Variants in TIMMDC1 observed in about 807,000 individuals in gnomAD.
The protein encoded by TIMMDC1 is translocase of inner mitochondrial membrane domain containing 1.
A neutral mutation model predicts 32.6 loss-of-function variants in TIMMDC1; 25 were observed. That is an observed-to-expected ratio of 0.77 (90% confidence interval 0.56 to 1.07). The LOEUF is 1.07. TIMMDC1 is among the 50% of genes least tolerant of loss of function. TIMMDC1 has a pLI of 0.00. For synonymous variants in TIMMDC1, 130 were observed against 127.6 expected, an observed-to-expected ratio of 1.02 and a Z score of -0.13; for missense variants, 329 against 349.2, an observed-to-expected ratio of 0.94 and a Z score of 0.46.
At chr3:119,518,813 A>G (rs2082003793) in intron 6 of TIMMDC1, among the ~76,000 whole-genome samples, 1 of 152,146 alleles carries the variant, frequency 6.6e-6, no homozygotes, top group African/African-American at 2.4e-5. Flanking sequence ...TTAACAGCAG[A>G]TTTGCCAGCA....
At position 119,517,281 on chromosome 3, in the gene TIMMDC1, C is replaced by T. The variant is rs149481081; in HGVS notation, c.673C>T (p.Arg225Ter). The T allele has an allele frequency of 1.1e-5, 18 of 1,613,464 alleles. No homozygotes were observed. The highest frequency in any genetic ancestry group is 1.5e-5 in the Non-Finnish European group (18 of 1,179,534). Residue 225 changes from arginine (R) to a stop codon, truncating the protein, a stop_gained, in exon 6 of 7, where the codon CGA (arginine) becomes TGA (stop). Transcript: ENST00000494664. LOFTEE classifies it high-confidence loss of function. Reference sequence around the variant, plus strand: ...TGTTCAGGAAAGAAAACAGAAGGATCGAAAGGCACTCCATGAGCTAAAACT... The same window carrying T: ...TGTTCAGGAAAGAAAACAGAAGGATTGAAAGGCACTCCATGAGCTAAAACT... ...ETVQERKQKD[R>*]KALHELKLEE...
rs749791312 is a variant in TIMMDC1 at position 119,498,838 on chromosome 3, TGAG to T, written c.109_111del (p.Glu37del). 16 of 1,613,982 alleles carry T rather than the reference TGAG, an allele frequency of 9.9e-6. No individual in the cohort carries two copies. In the Admixed American group the frequency reaches 2.7e-4, roughly 27 times the overall value. ...CTGTGACTGCCGATTCGGAAGTCCT[TGAG>T]GAGCGTCAGAAGCGGCTTCCCTACG... On this transcript the variant is annotated inframe_deletion, in exon 1 of 7. Coordinates refer to ENST00000494664, the MANE Select transcript of TIMMDC1 (RefSeq NM_016589.4).
rs1017223858 is a variant in TIMMDC1 at position 119,498,643 on chromosome 3, C to T, written c.-91C>T. On this transcript the variant is annotated 5_prime_UTR_variant, in exon 1 of 7. Coordinates refer to ENST00000494664, the MANE Select transcript of TIMMDC1 (RefSeq NM_016589.4). Reference sequence around the variant, plus strand: ...TTAACCTGGGTCAAATGCACGGATTCTCACCTCGTACAGTTACGCTCTCCC... The same window carrying T: ...TTAACCTGGGTCAAATGCACGGATTTTCACCTCGTACAGTTACGCTCTCCC... The T allele has an allele frequency of 3.1e-6, 4 of 1,305,696 alleles. No individual in the cohort carries two copies. The highest frequency in any genetic ancestry group is 3.2e-6 in the Non-Finnish European group (3 of 926,932). 80.9% of individuals were successfully genotyped at this position (1,305,696 alleles called of 1,614,324 possible). A position where few individuals can be genotyped will look rare whatever the true frequency, so the allele number is the denominator to read the frequency against.
At chr3:119,519,763 A>G (rs969068409) in intron 6 of TIMMDC1, among the ~76,000 whole-genome samples, 4 of 152,208 alleles carry the variant, frequency 2.6e-5, no homozygotes, top group Non-Finnish European at 5.9e-5. Context: ...GATCAAATGG[A>G]TCTAGCAGAC....
In TIMMDC1 at chr3:119,525,044, C is replaced by A. The variant is rs2082056764; in HGVS notation, c.*1288C>A. ...TGAACCAGTTAAGTCTTTGGACTAT[C>A]CCTTTCCTCCTTGACTACTGCTTTG... On this transcript the variant is annotated 3_prime_UTR_variant, in exon 7 of 7. Transcript: ENST00000494664. The A allele has an allele frequency of 6.6e-6, 1 of 152,186 alleles. No individual in the cohort carries two copies. Among genetic ancestry groups the A allele is most frequent in the Non-Finnish European group, 1.5e-5 (1 of 68,034 alleles). The allele number at this position is 152,186 out of a possible 1,614,324, so 9.4% of individuals were successfully genotyped here.
chr3:119,520,290 A>G (rs926439345), intron 6 of TIMMDC1, among the ~76,000 whole-genome samples: 5 of 152,138 alleles, frequency 3.3e-5, no homozygotes, highest in African/African-American at 1.2e-4. Context: ...ACTTAAAAAC[A>G]AACAAAAAAA....
At chr3:119,521,421 C>T (rs933702083) in intron 6 of TIMMDC1, among the ~76,000 whole-genome samples, 6 of 152,132 alleles carry the variant, frequency 3.9e-5, no homozygotes, top group Non-Finnish European at 4.4e-5. Flanking sequence ...ATGGTGCACA[C>T]CTGTAATCCC....
At chr3:119,512,859 G>A (rs930991947) in intron 4 of TIMMDC1, among the ~76,000 whole-genome samples, 1 of 152,046 alleles carries the variant, frequency 6.6e-6, no homozygotes, top group Non-Finnish European at 1.5e-5. Flanking sequence ...TTGTGCCTCC[G>A]CCTCCTGAGT....
At chr3:119,514,414 A>G (rs1218185620) in intron 5 of TIMMDC1, among the ~76,000 whole-genome samples, 1 of 152,206 alleles carries the variant, frequency 6.6e-6, no homozygotes, top group East Asian at 1.9e-4. Flanking sequence ...ATCTCCCAGG[A>G]TGAAGAATAC....
intron 4 of TIMMDC1, among the ~76,000 whole-genome samples, chr3:119,512,514 G>A (rs537657822): frequency 5.9e-5 from 9 of 152,078 alleles, no homozygotes; most frequent in African/African-American, 1.9e-4. Flanking sequence ...CCTGACTTTC[G>A]TGATCCACCC....
chr3:119,499,232 T>C (rs1466348079), intron 1 of TIMMDC1, among the ~76,000 whole-genome samples: 1 of 150,690 alleles, frequency 6.6e-6, no homozygotes, highest in East Asian at 2.0e-4. Context: ...TAATTGGGAC[T>C]ACAGGCGCGC....
chr3:119,520,819 C>T (rs1396127213), intron 6 of TIMMDC1, among the ~76,000 whole-genome samples: 1 of 152,124 alleles, frequency 6.6e-6, no homozygotes, highest in Non-Finnish European at 1.5e-5. Context: ...CCAATGTATT[C>T]TACAAAACAA....
Position 119,498,901 on chromosome 3 carries a change from C to G in TIMMDC1, c.168C>G (p.Asp56Glu), listed in dbSNP as rs776560512. The change falls in exon 1 of 7, where the codon GAC becomes GAG. Residue 56 changes from aspartate to glutamate, a missense_variant. Physicochemically the swap from Asp to Glu is conservative, Grantham distance 45. Coordinates refer to ENST00000494664, the MANE Select transcript of TIMMDC1 (RefSeq NM_016589.4). ...CCTATTACCCGGAATCTGGATGGGA[C>G]CGCCTCCGGGAGCTGTTTGGCAAAG... ...PEPYYPESGW[D>E]RLRELFGKDE... The G allele has an allele frequency of 1.6e-5, 26 of 1,613,794 alleles. No homozygotes were observed. The highest frequency in any genetic ancestry group is 6.7e-5 in the Admixed American group (4 of 60,008).
chr3:119,500,561 A>G (rs1485614162), intron 1 of TIMMDC1, 134 bp from the exon 2 acceptor site: 3 of 762,684 alleles, frequency 3.9e-6, no homozygotes, highest in Admixed American at 5.9e-5. Flanking sequence ...TGAACTGTTT[A>G]ATTCATCTGA....
At chr3:119,513,148 A>T (rs1357485678) in intron 4 of TIMMDC1, among the ~76,000 whole-genome samples, 1 of 152,234 alleles carries the variant, frequency 6.6e-6, no homozygotes, top group Non-Finnish European at 1.5e-5. Flanking sequence ...CCCAGCAGAA[A>T]GGAAAGAAGT....
chr3:119,504,915 T>A (rs1348996841), intron 4 of TIMMDC1, among the ~76,000 whole-genome samples: 3 of 152,004 alleles, frequency 2.0e-5, no homozygotes, highest in African/African-American at 7.3e-5. Context: ...CCGTCTCTAC[T>A]AAAAATACAA....
At chr3:119,505,440 C>G (rs902116188) in intron 4 of TIMMDC1, among the ~76,000 whole-genome samples, 14 of 151,900 alleles carry the variant, frequency 9.2e-5, no homozygotes, top group African/African-American at 3.4e-4. Flanking sequence ...CTCAGCTCAC[C>G]ACAACCTCCG....
intron 6 of TIMMDC1, among the ~76,000 whole-genome samples, chr3:119,521,111 A>G (rs568907078): frequency 2.2e-4 from 33 of 152,338 alleles, no homozygotes; most frequent in South Asian, 8.3e-4. Context: ...ATATATGTCA[A>G]ACTCACAGCT....
At chr3:119,523,140 T>C (rs1577104420) in intron 6 of TIMMDC1, among the ~76,000 whole-genome samples, 1 of 152,344 alleles carries the variant, frequency 6.6e-6, no homozygotes, top group East Asian at 1.9e-4. Context: ...TCTATAGTTT[T>C]GTTCTATCTG....
Sources: gnomAD v4.1 joint callset for allele counts (sites outside exome capture counted in the v4.1 genomes callset) on GRCh38, gnomAD v4.1.1 for gene constraint, MANE v1.5 for transcripts, NCBI Gene and HGNC (gene_info 2026-07-23, HGNC 2026-07-21) for gene names.